The following TOR3A variants were observed in gnomAD, a reference collection of about 807,000 sequenced individuals.
TOR3A encodes torsin-3A.
TOR3A carries 44 observed loss-of-function variants against 42.1 expected under a neutral mutation model. That is an observed-to-expected ratio of 1.04 (90% CI 0.82 to 1.34). The LOEUF (loss-of-function observed/expected upper bound fraction) is 1.34, where lower values mean the gene tolerates loss of function less well. TOR3A is among the 40% of genes most tolerant of loss of function. The pLI is 0.00. For missense variants in TOR3A, 521 were observed against 507.6 expected, an observed-to-expected ratio of 1.03 and a Z score of -0.25; for synonymous variants, 227 against 213.2, an observed-to-expected ratio of 1.06 and a Z score of -0.57.
chr1:179,092,209 C>G (rs1341832176), intron 4 of TOR3A, among the ~76,000 whole-genome samples: 1 of 152,224 alleles, frequency 6.6e-6, no homozygotes, highest in East Asian at 1.9e-4. Flanking sequence ...GAGAGAACCA[C>G]ACAGCTCCCC....
chr1:179,085,346 C>A lies in TOR3A; in HGVS notation c.374-282C>A, dbSNP rs1201658236. 3.8e-5 allele frequency: 13 copies of A among 342,332 alleles called. No homozygotes were observed. The East Asian group carries it at 7.3e-4, about 19-fold the overall frequency. 21.2% of individuals were successfully genotyped at this position (342,332 alleles called of 1,614,324 possible). A position where few individuals can be genotyped will look rare whatever the true frequency, so the allele number is the denominator to read the frequency against. On this transcript the variant is annotated intron_variant, in intron 2 of 5. Transcript: ENST00000367627. ...GGCTGAGGCAGGAGAATCGCTTGAACCAGGGAGGCGGAGGTTGCAGTGAGC... is the reference window on the plus strand; with the variant it reads ...GGCTGAGGCAGGAGAATCGCTTGAAACAGGGAGGCGGAGGTTGCAGTGAGC...
chr1:179,082,910 C>A (rs1652332664), intron 1 of TOR3A, 30 bp from the exon 2 acceptor site: 1 of 1,468,770 alleles, frequency 6.8e-7, no homozygotes, highest in East Asian at 2.4e-5. Flanking sequence ...GGATGGTCTC[C>A]TCTCGGTCTC....
chr1:179,082,426 G>A (rs1248915135), intron 1 of TOR3A, 39 bp downstream of exon 1: 7 of 1,570,028 alleles, frequency 4.5e-6, no homozygotes, highest in Non-Finnish European at 5.2e-6. Context: ...TCGCTGCGGA[G>A]CAGAGTGCGA....
intron 3 of TOR3A, among the ~76,000 whole-genome samples, chr1:179,086,995 G>A (rs1248208594): frequency 6.6e-6 from 1 of 152,126 alleles, no homozygotes; most frequent in East Asian, 1.9e-4. Flanking sequence ...AGGCTGAGCT[G>A]GGCCTTTCCG....
intron 4 of TOR3A, among the ~76,000 whole-genome samples, chr1:179,093,338 A>G (rs142724468): frequency 6.6e-6 from 1 of 152,280 alleles, no homozygotes; most frequent in Non-Finnish European, 1.5e-5. Flanking sequence ...ATCACAGGCA[A>G]GCAAAAAACA....
intron 1 of TOR3A, 33 bp from the exon 2 acceptor site, chr1:179,082,907 C>T (rs562805075): frequency 2.8e-6 from 4 of 1,433,098 alleles, no homozygotes; most frequent in African/African-American, 2.8e-5. Context: ...ACCGGATGGT[C>T]TCCTCTCGGT....
chr1:179,092,925 G>A (rs1331548233), intron 4 of TOR3A, among the ~76,000 whole-genome samples: 3 of 152,108 alleles, frequency 2.0e-5, no homozygotes, highest in Non-Finnish European at 2.9e-5. Context: ...GATCAGCTGA[G>A]CCTGGGGAGG....
At chr1:179,082,415 T>G in intron 1 of TOR3A, 28 bp downstream of exon 1, 1 of 1,579,364 alleles carries the variant, frequency 6.3e-7, no homozygotes, top group Non-Finnish European at 8.6e-7. Context: ...CGGTCCGCCG[T>G]TCGCTGCGGA....
In TOR3A at chr1:179,085,659, T is replaced by C; in HGVS notation, c.405T>C (p.His135=). The change falls in exon 3 of 6, where the codon CAT becomes CAC. Residue 135 remains histidine (H), a synonymous_variant. Transcript: ENST00000367627. ...AGTGGGACCTGAATGTGCGGCTGCA[T>C]GGCCAGCATTTGGTCCAGCAGCTGG... The part of the protein sequence containing the change: ...GLEWDLNVRL[H]GQHLVQQLVL... 6.2e-7 allele frequency: 1 copy of C among 1,614,164 alleles called. No individual in the cohort carries two copies. Among genetic ancestry groups the C allele is most frequent in the East Asian group, 2.2e-5 (1 of 44,876 alleles).
Position 179,095,619 on chromosome 1 carries a change from CA to C in TOR3A, c.*402del. 9.5e-7 allele frequency: 1 copy of C among 1,047,760 alleles called. No individual in the cohort carries two copies. Among genetic ancestry groups the C allele is most frequent in the Non-Finnish European group, 1.2e-6 (1 of 868,884 alleles). 64.9% of individuals were successfully genotyped at this position (1,047,760 alleles called of 1,614,324 possible). ...ACTCCAGATGGTCTCCTTAGCATCT[CA>C]GCTCTTCTGCAAGGAAGAGCTTGGG... On this transcript the variant is annotated 3_prime_UTR_variant, in exon 6 of 6. Coordinates refer to ENST00000367627, the MANE Select transcript of TOR3A (RefSeq NM_022371.4).
intron 2 of TOR3A, 65 bp downstream of exon 2, chr1:179,083,118 T>C (rs1652339752): frequency 1.0e-6 from 1 of 981,176 alleles, no homozygotes; most frequent in Non-Finnish European, 1.5e-6. Flanking sequence ...CCAGGGGAAA[T>C]GGTTAGATGC....
At chr1:179,092,558 C>G (rs1652618912) in intron 4 of TOR3A, among the ~76,000 whole-genome samples, 1 of 152,050 alleles carries the variant, frequency 6.6e-6, no homozygotes, top group African/African-American at 2.4e-5. Context: ...GACCTCGTCT[C>G]TACAAAAAAA....
intron 1 of TOR3A, 113 bp from the exon 2 acceptor site, chr1:179,082,827 G>A: frequency 1.3e-6 from 1 of 778,908 alleles, no homozygotes; most frequent in Admixed American, 2.0e-5. Flanking sequence ...CTGGGAGTTA[G>A]AATCTGAGTT....
intron 2 of TOR3A, among the ~76,000 whole-genome samples, chr1:179,084,993 T>C (rs957264852): frequency 1.3e-5 from 2 of 152,220 alleles, no homozygotes; most frequent in African/African-American, 4.8e-5. Context: ...AACCAAGGGA[T>C]GGGAGCAGCC....
In TOR3A at chr1:179,082,309, C is replaced by T. The variant is rs769943033; in HGVS notation, c.181C>T (p.Arg61Trp). The stretch of plus-strand genomic sequence containing the variant: ...CAGGGCGGCGGGTGCCCTCTCCAAG[C>T]GGTACTGGACGCTCTTCAGCTGCCA... Reference protein sequence around the residue: ...QLRAAGALSKRYWTLFSCQVW... With the variant: ...QLRAAGALSKWYWTLFSCQVW... Residue 61 changes from arginine to tryptophan, a missense_variant, in exon 1 of 6, where the codon CGG (arginine) becomes TGG (tryptophan). Physicochemically the swap from Arg to Trp is moderately radical, Grantham distance 101. Transcript: ENST00000367627. 23 of 1,593,778 alleles carry T rather than the reference C, an allele frequency of 1.4e-5. 1 individual carries two copies. The South Asian group carries it at 2.2e-4, about 15-fold the overall frequency.
Position 179,082,390 on chromosome 1 carries a change from AAGACC to A in TOR3A, c.259+4_259+8del. The A allele has an allele frequency of 1.9e-6, 3 of 1,599,680 alleles. No individual in the cohort carries two copies. The South Asian group carries it at 3.3e-5, about 18-fold the overall frequency. Reference sequence around the variant, plus strand: ...GGAGGCAGCCACGGGGCCCCTGGGTAAGACCCCGTCCCCACGGTCCGCCGTTCGCT... The same window carrying A: ...GGAGGCAGCCACGGGGCCCCTGGGTACCGTCCCCACGGTCCGCCGTTCGCT... On this transcript the variant is annotated splice_donor_5th_base_variant and intron_variant, in intron 1 of 5. Transcript: ENST00000367627.
Position 179,087,981 on chromosome 1 carries a change from C to T in TOR3A, c.710C>T (p.Ala237Val), listed in dbSNP as rs777406110. Residue 237 changes from alanine (A) to valine (V), a missense_variant, in exon 4 of 6, where the codon GCG becomes GTG. Ala to Val is a moderately conservative substitution (Grantham distance 64, BLOSUM62 0). Transcript: ENST00000367627. The stretch of plus-strand genomic sequence containing the variant: ...CAGACCCTGTTCATCTTCGATGAAG[C>T]GGAGAAGCTGCACCCAGGGCTGCTG... ...CHQTLFIFDE[A>V]EKLHPGLLEV... 26 of 1,612,970 alleles carry T rather than the reference C, an allele frequency of 1.6e-5. No individual in the cohort carries two copies. The highest frequency in any genetic ancestry group is 2.2e-5 in the East Asian group (1 of 44,834).
At chr1:179,084,470 C>G (rs1357082186) in intron 2 of TOR3A, among the ~76,000 whole-genome samples, 1 of 152,044 alleles carries the variant, frequency 6.6e-6, no homozygotes. Flanking sequence ...GTGATCCGCC[C>G]GCCTCAGCCT....
intron 4 of TOR3A, among the ~76,000 whole-genome samples, chr1:179,089,525 G>A (rs1327301338): frequency 6.6e-6 from 1 of 151,880 alleles, no homozygotes; most frequent in Non-Finnish European, 1.5e-5. Context: ...GAACCAGGAG[G>A]TGAGGACAAT....
Sources: allele counts gnomAD v4.1 joint callset (sites outside exome capture counted in the v4.1 genomes callset), GRCh38; gene constraint gnomAD v4.1.1; transcripts MANE v1.5; gene names NCBI Gene and HGNC (gene_info 2026-07-23, HGNC 2026-07-21).